The following KIF6 variants were observed in gnomAD, a reference collection of about 807,000 sequenced individuals.
The protein encoded by KIF6 is kinesin family member 6.
KIF6 carries 106 observed loss-of-function variants against 112.7 expected under a neutral mutation model. That is an observed-to-expected ratio of 0.94 (90% confidence interval 0.80 to 1.11). The LOEUF is 1.11. KIF6 is among the 50% of genes least tolerant of loss of function. The probability of loss-of-function intolerance (pLI) is 0.00; values close to 1 mark genes in which losing one functional copy is unlikely to be tolerated. For synonymous variants in KIF6, 339 were observed against 339.9 expected (o/e 1.00, Z 0.03); for missense variants, 929 against 964.0 (o/e 0.96, Z 0.48).
chr6:39,504,666 T>A (rs1461500999), intron 13 of KIF6, among the ~76,000 whole-genome samples: 1 of 152,254 alleles, frequency 6.6e-6, no homozygotes, highest in Non-Finnish European at 1.5e-5. Flanking sequence ...GGATAGAAAA[T>A]CAATGTCCAA....
intron 16 of KIF6, among the ~76,000 whole-genome samples, chr6:39,383,309 A>G (rs1378673833): frequency 6.6e-6 from 1 of 152,164 alleles, no homozygotes; most frequent in East Asian, 1.9e-4. Context: ...TCTTACATTT[A>G]AGTCTTTAAT....
intron 5 of KIF6, among the ~76,000 whole-genome samples, chr6:39,624,351 G>C (rs1429088289): frequency 6.6e-6 from 1 of 152,156 alleles, no homozygotes; most frequent in Non-Finnish European, 1.5e-5. Flanking sequence ...TCAAAAGGTT[G>C]TAATAATTTT....
intron 13 of KIF6, among the ~76,000 whole-genome samples, chr6:39,499,953 G>A (rs1200972658): frequency 1.3e-5 from 2 of 152,218 alleles, no homozygotes; most frequent in Non-Finnish European, 2.9e-5. Flanking sequence ...TGGTCCCTGG[G>A]AAAGAAGGTG....
chr6:39,425,648 A>G (rs1770708271), intron 14 of KIF6, among the ~76,000 whole-genome samples: 1 of 140,474 alleles, frequency 7.1e-6, no homozygotes, highest in South Asian at 2.5e-4. Context: ...GTCATTCACA[A>G]ACAAAAAAAG....
intron 13 of KIF6, among the ~76,000 whole-genome samples, chr6:39,446,503 CT>C (rs949867464): frequency 1.3e-5 from 2 of 151,188 alleles, no homozygotes; most frequent in African/African-American, 4.9e-5. Context: ...TTTCCTTTTT[CT>C]TTTTTTTAGA....
chr6:39,427,350 A>G (rs527712550), intron 14 of KIF6, among the ~76,000 whole-genome samples: 43 of 152,274 alleles, frequency 2.8e-4, no homozygotes, highest in African/African-American at 9.9e-4. Flanking sequence ...CCTTCCTTTG[A>G]TGTCTGTTGT....
chr6:39,363,638 C>T (rs1562134562), intron 16 of KIF6, among the ~76,000 whole-genome samples: 1 of 152,232 alleles, frequency 6.6e-6, no homozygotes. Context: ...AGAAGTCGTA[C>T]AGCCCTGCTT....
At chr6:39,410,159 A>G (rs1404253976) in intron 15 of KIF6, among the ~76,000 whole-genome samples, 1 of 152,200 alleles carries the variant, frequency 6.6e-6, no homozygotes, top group Non-Finnish European at 1.5e-5. Flanking sequence ...TGGTTTATAT[A>G]CAGCTGCCAC....
chr6:39,590,500 G>A (rs1781891388), intron 7 of KIF6, among the ~76,000 whole-genome samples: 1 of 142,284 alleles, frequency 7.0e-6, no homozygotes, highest in Admixed American at 7.3e-5. Context: ...TGCCCAGGCT[G>A]GAGTGTAATA....
chr6:39,607,012 C>T (rs1782927550), intron 6 of KIF6, among the ~76,000 whole-genome samples: 2 of 152,140 alleles, frequency 1.3e-5, no homozygotes, highest in South Asian at 2.1e-4. Context: ...GAGGTTATGG[C>T]TATTTCCTTG....
intron 3 of KIF6, among the ~76,000 whole-genome samples, chr6:39,681,482 A>C (rs556817620): frequency 3.9e-5 from 6 of 152,202 alleles, no homozygotes; most frequent in Non-Finnish European, 5.9e-5. Context: ...TTTTAAAAAA[A>C]AACTCTAGAA....
At chr6:39,366,561 T>A (rs980229941) in intron 16 of KIF6, among the ~76,000 whole-genome samples, 2 of 151,896 alleles carry the variant, frequency 1.3e-5, no homozygotes, top group Non-Finnish European at 2.9e-5. Flanking sequence ...CCATGCTAGG[T>A]AGGGTGGGTG....
chr6:39,494,169 G>A (rs1405853608), intron 13 of KIF6, among the ~76,000 whole-genome samples: 1 of 152,138 alleles, frequency 6.6e-6, no homozygotes. Context: ...AGCTTGGAAA[G>A]TAAGGTTTAT....
chr6:39,431,957 A>ATT (rs59169231), intron 13 of KIF6, among the ~76,000 whole-genome samples: 2 of 141,626 alleles, frequency 1.4e-5, no homozygotes, highest in African/African-American at 2.6e-5. Flanking sequence ...CTATAGAGCC[A>ATT]TTTTTTTTTT....
Position 39,368,363 on chromosome 6 carries a change from C to T in KIF6, c.1862-5845G>A, listed in dbSNP as rs1037426781. Among the ~76,000 whole-genome samples, 8 of 152,214 alleles carry T rather than the reference C, an allele frequency of 5.3e-5. No individual in the cohort carries two copies. In the East Asian group the frequency reaches 5.8e-4, roughly 11 times the overall value. On this transcript the variant is annotated intron_variant, in intron 16 of 22. Transcript: ENST00000287152. The stretch of plus-strand genomic sequence containing the variant: ...ACTGAGCTTTGATAGAGGAAGTAAT[C>T]GCCCAGGATGGCACTGCTGGTAAGC...
At chr6:39,455,881 A>C (rs1773060497) in intron 13 of KIF6, among the ~76,000 whole-genome samples, 1 of 124,524 alleles carries the variant, frequency 8.0e-6, no homozygotes, top group Non-Finnish European at 1.7e-5. Context: ...GAAAAGACCA[A>C]ATCTACGTCT....
chr6:39,682,357 T>C (rs1040957342), intron 3 of KIF6, among the ~76,000 whole-genome samples: 2 of 152,184 alleles, frequency 1.3e-5, no homozygotes, highest in Non-Finnish European at 2.9e-5. Flanking sequence ...GTGCAGGATG[T>C]TACTGTACTG....
intron 13 of KIF6, among the ~76,000 whole-genome samples, chr6:39,431,761 C>T (rs1467950245): frequency 2.0e-5 from 3 of 152,074 alleles, no homozygotes; most frequent in Admixed American, 6.5e-5. Flanking sequence ...TATCCTGTAT[C>T]GCCTTTGCCA....
chr6:39,402,838 A>G (rs1226859701), intron 15 of KIF6, among the ~76,000 whole-genome samples: 1 of 152,182 alleles, frequency 6.6e-6, no homozygotes, highest in Non-Finnish European at 1.5e-5. Flanking sequence ...ACAGATGTAC[A>G]TAAATTACTG....
Sources: allele counts gnomAD v4.1 joint callset (sites outside exome capture counted in the v4.1 genomes callset), GRCh38; gene constraint gnomAD v4.1.1; transcripts MANE v1.5; gene names NCBI Gene and HGNC (gene_info 2026-07-23, HGNC 2026-07-21).